The following PAK3 variants were observed in gnomAD, a reference collection of about 807,000 sequenced individuals.
PAK3 encodes serine/threonine-protein kinase PAK 3.
PAK3 carries 4 observed loss-of-function variants against 41.0 expected under a neutral mutation model. That is an observed-to-expected ratio of 0.10 (90% CI 0.05 to 0.22). PAK3 has a LOEUF of 0.22. Ranked by LOEUF, PAK3 falls within the 10% of genes least tolerant of loss-of-function variation. The pLI is 1.00. For synonymous variants in PAK3, 146 were observed against 139.6 expected (o/e 1.05, Z -0.32); for missense variants, 205 against 409.9 (o/e 0.50, Z 4.32).
At chrX:111,172,307 T>C (rs986186336) in intron 10 of PAK3, among the ~76,000 whole-genome samples, 5 of 111,984 alleles carry the variant, frequency 4.5e-5, no homozygotes, top group Admixed American at 9.5e-5. Context: ...TTATTGTATA[T>C]TTTCCAGAAT....
At chrX:111,102,564 G>A (rs1300387299) in intron 3 of PAK3, among the ~76,000 whole-genome samples, 5 of 111,825 alleles carry the variant, frequency 4.5e-5, no homozygotes, top group Non-Finnish European at 9.4e-5. Flanking sequence ...TGGAGACTTA[G>A]AGTTGAGGGA....
At chrX:111,038,357 GA>G (rs1483635527) in intron 1 of PAK3, among the ~76,000 whole-genome samples, 1 of 111,928 alleles carries the variant, frequency 8.9e-6, no homozygotes, top group Non-Finnish European at 1.9e-5. Context: ...CTGGTACTTT[GA>G]CAGTAAGTGT....
intron 1 of PAK3, among the ~76,000 whole-genome samples, chrX:111,090,361 G>A (rs1272305348): frequency 9.0e-6 from 1 of 111,668 alleles, no homozygotes; most frequent in Non-Finnish European, 1.9e-5. Flanking sequence ...CATGTCTCTG[G>A]ATTATAGTGG....
At chrX:111,195,745 A>G (rs1396189663) in intron 14 of PAK3, 97 bp from the exon 15 acceptor site, 8 of 566,736 alleles carry the variant, frequency 1.4e-5, no homozygotes, top group African/African-American at 2.3e-5. Context: ...ACTTGACAAT[A>G]TAAAGTTATA....
intron 5 of PAK3, among the ~76,000 whole-genome samples, chrX:111,140,613 T>C: frequency 9.0e-6 from 1 of 111,697 alleles, no homozygotes; most frequent in Middle Eastern, 4.6e-3. Flanking sequence ...ACTGTAAAAA[T>C]GGAATCTGTA....
At chrX:111,177,975 CA>C (rs2094424143) in intron 11 of PAK3, among the ~76,000 whole-genome samples, 1 of 110,976 alleles carries the variant, frequency 9.0e-6, no homozygotes, top group South Asian at 3.8e-4. Flanking sequence ...TCAGAGGATC[CA>C]GTTTAACAAG....
At chrX:111,167,017 A>G (rs2094265170) in intron 10 of PAK3, among the ~76,000 whole-genome samples, 1 of 111,993 alleles carries the variant, frequency 8.9e-6, no homozygotes, top group Admixed American at 9.5e-5. Context: ...TTGTACCCAT[A>G]TAATAGGGGT....
chrX:110,976,527 C>T (rs1029107574), intron 1 of PAK3, among the ~76,000 whole-genome samples: 5 of 111,978 alleles, frequency 4.5e-5, no homozygotes, highest in Non-Finnish European at 7.5e-5. Context: ...TAAATTAGTT[C>T]AACCATTGTG....
At chrX:111,076,934 C>T (rs1333027720) in intron 1 of PAK3, among the ~76,000 whole-genome samples, 1 of 110,526 alleles carries the variant, frequency 9.0e-6, no homozygotes, top group Admixed American at 9.6e-5. Flanking sequence ...CCCAGAAACT[C>T]CACCAAAAAA....
At chrX:111,190,312 A>AC (rs961878924) in intron 11 of PAK3, among the ~76,000 whole-genome samples, 4 of 111,836 alleles carry the variant, frequency 3.6e-5, no homozygotes, top group South Asian at 7.5e-4. Flanking sequence ...TCAGACAGAC[A>AC]CGGGTTGTTA....
chrX:110,981,476 G>A (rs1391685488), intron 1 of PAK3, among the ~76,000 whole-genome samples: 4 of 110,657 alleles, frequency 3.6e-5, no homozygotes, highest in Non-Finnish European at 7.6e-5. Context: ...TTAGAAACAT[G>A]AACTAAAGTA....
intron 1 of PAK3, among the ~76,000 whole-genome samples, chrX:110,964,890 G>A (rs761526327): frequency 9.0e-6 from 1 of 111,559 alleles, no homozygotes; most frequent in Non-Finnish European, 1.9e-5. Context: ...TTGCTGGCTG[G>A]CTGGCTGGCT....
chrX:111,033,315 CCCT>C (rs1295376297), intron 1 of PAK3, among the ~76,000 whole-genome samples: 1 of 111,356 alleles, frequency 9.0e-6, no homozygotes, highest in Non-Finnish European at 1.9e-5. Context: ...CCCCTCCTCT[CCCT>C]CCTCCTCCTC....
At chrX:110,944,724 T>C (rs1293402891) in intron 1 of PAK3, 7 of 112,312 alleles carry the variant, frequency 6.2e-5, no homozygotes, top group Non-Finnish European at 1.3e-4. Flanking sequence ...TGGTAGATTA[T>C]TTCCCAGTTT....
intron 5 of PAK3, among the ~76,000 whole-genome samples, chrX:111,130,389 A>G (rs1326511431): frequency 8.9e-6 from 1 of 111,997 alleles, no homozygotes; most frequent in African/African-American, 3.2e-5. Context: ...TGTGGAGGAC[A>G]TATGTTGTTT....
At chrX:111,053,058 G>C (rs1198982178) in intron 1 of PAK3, among the ~76,000 whole-genome samples, 5 of 112,177 alleles carry the variant, frequency 4.5e-5, no homozygotes, top group African/African-American at 6.5e-5. Context: ...TGTTTATTCT[G>C]AGATCTGTGA....
chrX:111,153,535 G>A lies in PAK3; in HGVS notation c.468+1088G>A, dbSNP rs191521976. On this transcript the variant is annotated intron_variant, in intron 8 of 17. Transcript: ENST00000372007. ...CTTCCTGCCTCATTTGTTTTTTTAG[G>A]GGTGAAATAATTTGCATTACTGAAA... Among the ~76,000 whole-genome samples the A allele has an allele frequency of 3.7e-3, 416 of 111,023 alleles. 2 individuals carry two copies. Among genetic ancestry groups the A allele is most frequent in the African/African-American group, 0.013 (402 of 30,596 alleles).
chrX:110,992,950 C>A (rs1396230252), intron 1 of PAK3, among the ~76,000 whole-genome samples: 5 of 111,657 alleles, frequency 4.5e-5, no homozygotes, highest in Non-Finnish European at 9.4e-5. Flanking sequence ...GTCTCTTCTA[C>A]CTTCAAGAGT....
chrX:111,147,186 C>T (rs1277924166), intron 6 of PAK3, among the ~76,000 whole-genome samples: 2 of 111,375 alleles, frequency 1.8e-5, no homozygotes, highest in African/African-American at 6.5e-5. Flanking sequence ...TGTCTCCTAC[C>T]AACCTGCCTT....
Sources: allele counts gnomAD v4.1 joint callset (sites outside exome capture counted in the v4.1 genomes callset), GRCh38; gene constraint gnomAD v4.1.1; transcripts MANE v1.5; gene names NCBI Gene and HGNC (gene_info 2026-07-23, HGNC 2026-07-21).